The following ZNF195 variants were observed in gnomAD, a reference collection of about 807,000 sequenced individuals.
ZNF195 encodes hypoxia-regulated factor-1.
In ZNF195, 11 loss-of-function variants were observed where a neutral mutation model predicts 19.5. The ratio of observed to expected loss-of-function variants is 0.57; its 90% CI spans 0.36 to 0.94. The LOEUF is 0.94. ZNF195 is among the 40% of genes least tolerant of loss of function. The pLI, the probability that ZNF195 is intolerant of heterozygous loss-of-function variation, is 0.01. For missense variants in ZNF195, 582 were observed against 709.0 expected, an observed-to-expected ratio of 0.82 and a Z score of 2.03; for synonymous variants, 214 against 248.1, an observed-to-expected ratio of 0.86 and a Z score of 1.29.
intron 1 of ZNF195, among the ~76,000 whole-genome samples, chr11:3,376,563 T>C (rs1469245982): frequency 6.6e-6 from 1 of 152,130 alleles, no homozygotes; most frequent in Non-Finnish European, 1.5e-5. Context: ...TAGGTTTAAA[T>C]AAGAAAATAC....
At chr11:3,361,678 T>A (rs1848638324) in intron 4 of ZNF195, 65 bp downstream of exon 4, 2 of 1,276,208 alleles carry the variant, frequency 1.6e-6, no homozygotes, top group Admixed American at 2.4e-5. Flanking sequence ...GTTTCCAAAG[T>A]CAAAGGAGAA....
chr11:3,372,554 T>C (rs1421464213), intron 1 of ZNF195, among the ~76,000 whole-genome samples: 1 of 150,516 alleles, frequency 6.6e-6, no homozygotes. Context: ...AAGAGACAAA[T>C]AAATATCTCC....
intron 1 of ZNF195, among the ~76,000 whole-genome samples, chr11:3,376,978 AT>A (rs1266541752): frequency 1.3e-5 from 2 of 152,254 alleles, no homozygotes; most frequent in African/African-American, 4.8e-5. Flanking sequence ...CCCTGGTAGC[AT>A]TCCCAAAGCT....
At chr11:3,372,535 G>A (rs934201727) in intron 1 of ZNF195, among the ~76,000 whole-genome samples, 9 of 152,114 alleles carry the variant, frequency 5.9e-5, no homozygotes, top group African/African-American at 2.2e-4. Flanking sequence ...TTAGTGTTAT[G>A]CAAAGTTCAA....
chr11:3,365,107 TTATC>T (rs1315792497), intron 3 of ZNF195, among the ~76,000 whole-genome samples: 1 of 152,208 alleles, frequency 6.6e-6, no homozygotes, highest in Non-Finnish European at 1.5e-5. Context: ...CTGTAACTGT[TTATC>T]TGTCTATATT....
At chr11:3,373,998 C>T (rs951032293) in intron 1 of ZNF195, among the ~76,000 whole-genome samples, 1 of 152,200 alleles carries the variant, frequency 6.6e-6, no homozygotes, top group Non-Finnish European at 1.5e-5. Context: ...TCTGAAACCC[C>T]CCATCACTGA....
At position 3,365,481 on chromosome 11, in the gene ZNF195, T is replaced by G. The variant is rs532691250; in HGVS notation, c.227-3592A>C. On this transcript the variant is annotated intron_variant, in intron 3 of 5. Coordinates refer to ENST00000399602, the MANE Select transcript of ZNF195 (RefSeq NM_001130520.3). Reference sequence around the variant, plus strand: ...AAAGTAAAACTGGCAATGCCAAAAATGTATGGAAATTAAAACCCTTGAACA... The same window carrying G: ...AAAGTAAAACTGGCAATGCCAAAAAGGTATGGAAATTAAAACCCTTGAACA... Among the ~76,000 whole-genome samples the G allele has an allele frequency of 6.6e-5, 10 of 152,268 alleles. No homozygotes were observed. In the East Asian group the frequency reaches 1.9e-3, roughly 29 times the overall value.
At chr11:3,362,126 T>A in intron 3 of ZNF195, 1 of 334,766 alleles carries the variant, frequency 3.0e-6, no homozygotes. Flanking sequence ...ACACAAAACT[T>A]CCAAGCAAGA....
intron 1 of ZNF195, chr11:3,378,045 C>T: frequency 1.7e-6 from 1 of 598,858 alleles, no homozygotes; most frequent in Non-Finnish European, 2.1e-6. Context: ...CGCAGTGGCT[C>T]ACGACTGTAA....
intron 3 of ZNF195, chr11:3,362,564 T>A: frequency 1.7e-6 from 1 of 598,844 alleles, no homozygotes; most frequent in Non-Finnish European, 3.0e-6. Context: ...AACTTTAAGA[T>A]GTTTTATATA....
intron 1 of ZNF195, among the ~76,000 whole-genome samples, chr11:3,378,836 G>A (rs547216458): frequency 2.0e-5 from 3 of 152,216 alleles, no homozygotes; most frequent in Non-Finnish European, 4.4e-5. Context: ...CTGCCGGGGG[G>A]ACATGGCTCT....
intron 3 of ZNF195, chr11:3,366,595 A>C (rs773277625): frequency 1.3e-5 from 2 of 153,304 alleles, no homozygotes; most frequent in Non-Finnish European, 2.9e-5. Flanking sequence ...TGAATGCTCA[A>C]ATTACTTATC....
rs766611036 is a variant in ZNF195, at chr11:3,370,976, T to C, written c.225A>G (p.Pro75=). ...VKRQEAADGH[P]EMGFHHATQA... is the part of the protein sequence containing the mutation. ...CCTGCTTCGTTCATTCCCACCCACCTGGATGTCCGTCTGCTGCCTCCTGTC... is the reference window on the plus strand; with the variant it reads ...CCTGCTTCGTTCATTCCCACCCACCCGGATGTCCGTCTGCTGCCTCCTGTC... The change falls in exon 3 of 6, where the codon CCA becomes CCG. Residue 75 remains proline, a splice_region_variant and synonymous_variant. Transcript: ENST00000399602. The C allele has an allele frequency of 5.5e-5, 88 of 1,613,694 alleles. 1 individual carries two copies. The highest frequency in any genetic ancestry group is 5.9e-6 in the Non-Finnish European group (7 of 1,179,786).
intron 1 of ZNF195, among the ~76,000 whole-genome samples, chr11:3,372,726 C>T (rs1486732423): frequency 6.6e-6 from 1 of 152,044 alleles, no homozygotes; most frequent in Admixed American, 6.6e-5. Flanking sequence ...CTCCCAGGTT[C>T]TGTAATCTGT....
In ZNF195 at chr11:3,371,700, G is replaced by A. The variant is rs572852988; in HGVS notation, c.7C>T (p.Leu3=). The part of the protein sequence containing the change: MT[L]LTFRDVAIEF... ...ATGGCCACATCCCTGAACGTCAACA[G>A]AGTCTGAAGAAGAAACAACAACAAT... Residue 3 remains leucine (L), a synonymous_variant, in exon 2 of 6, where the codon CTG becomes TTG. Transcript: ENST00000399602. The A allele has an allele frequency of 6.9e-6, 11 of 1,594,746 alleles. No homozygotes were observed. Among genetic ancestry groups the A allele is most frequent in the Non-Finnish European group, 7.7e-6 (9 of 1,170,920 alleles).
At chr11:3,371,480 A>G in intron 2 of ZNF195, 97 bp downstream of exon 2, 1 of 1,516,074 alleles carries the variant, frequency 6.6e-7, no homozygotes, top group Non-Finnish European at 9.1e-7. Flanking sequence ...TCTGAAACTC[A>G]TTCATGCAAC....
chr11:3,358,838 A>G lies in ZNF195; in HGVS notation c.*280T>C, dbSNP rs942522984. 11 of 72,996 alleles carry G rather than the reference A, an allele frequency of 1.5e-4. No individual in the cohort carries two copies. Among genetic ancestry groups the G allele is most frequent in the Non-Finnish European group, 2.2e-4 (11 of 50,578 alleles). The allele number at this position is 72,996 out of a possible 1,614,324, so 4.5% of individuals were successfully genotyped here. ...GAACTCTAGTGTTTTCTAAGCTATC[A>G]TTTTTGAACAAATGTTATTCCACAT... On this transcript the variant is annotated 3_prime_UTR_variant, in exon 6 of 6. Coordinates refer to ENST00000399602, the MANE Select transcript of ZNF195 (RefSeq NM_001130520.3).
intron 3 of ZNF195, among the ~76,000 whole-genome samples, chr11:3,366,225 C>G (rs1848875964): frequency 7.3e-6 from 1 of 136,176 alleles, no homozygotes; most frequent in Non-Finnish European, 1.5e-5. Flanking sequence ...GATCGCACCA[C>G]TGCACTCCAG....
In ZNF195 at chr11:3,359,329, A is replaced by C; in HGVS notation, c.1679T>G (p.Met560Arg). The change falls in exon 6 of 6, where the codon ATG becomes AGG. Residue 560 changes from methionine (M) to arginine (R), a missense_variant. This residue lies in a region of ZNF195 where 407 missense variants were observed against 530.5 expected (regional missense o/e 0.77). Transcript: ENST00000399602. This position sits in a 1 kb window ranked among gnomAD's most constrained non-coding sequence, Gnocchi z 5.5. ...YKCEECGRVF[M>R]WFSDITKHKK... ...ATGTTTGGTAATGTCTGAGAACCACATGAAGACTCTGCCACATTCTTCACA... is the reference window on the plus strand; with the variant it reads ...ATGTTTGGTAATGTCTGAGAACCACCTGAAGACTCTGCCACATTCTTCACA... The C allele has an allele frequency of 6.2e-7, 1 of 1,600,204 alleles. No homozygotes were observed. Among genetic ancestry groups the C allele is most frequent in the Non-Finnish European group, 8.5e-7 (1 of 1,174,718 alleles).
Sources: gnomAD v4.1 joint callset for allele counts (sites outside exome capture counted in the v4.1 genomes callset) on GRCh38, gnomAD v4.1.1 for gene constraint, gnomAD v4.1.1 regional missense constraint, Gnocchi (gnomAD v3.1) non-coding constraint, MANE v1.5 for transcripts, NCBI Gene and HGNC (gene_info 2026-07-23, HGNC 2026-07-21) for gene names.